NRK: variants seen among roughly 807,000 people sequenced by gnomAD.
The protein encoded by NRK is nik-related protein kinase.
NRK carries 67 observed loss-of-function variants against 125.2 expected under a neutral mutation model. That is an observed-to-expected ratio of 0.54 (90% CI 0.44 to 0.66). NRK has a LOEUF of 0.66. NRK is among the 30% of genes least tolerant of loss of function. The probability of loss-of-function intolerance (pLI) is 0.00; values close to 1 mark genes in which losing one functional copy is unlikely to be tolerated. For missense variants in NRK, 1,224 were observed against 1,192.9 expected (o/e 1.03, Z -0.38); for synonymous variants, 458 against 429.0 (o/e 1.07, Z -0.84).
intron 16 of NRK, among the ~76,000 whole-genome samples, chrX:105,919,246 G>T (rs2040407475): frequency 9.1e-6 from 1 of 110,489 alleles, no homozygotes. Context: ...TTTTCTCTTA[G>T]TGAAGCTTTT....
At position 105,877,504 on chromosome X, in the gene NRK, C is replaced by G. The variant is rs755702820; in HGVS notation, c.124-2695C>G. ...TGGAAGAAACTGGGGAAAGGATATA[C>G]AGGAACCCCCTGTGCTATCTTTGAA... On this transcript the variant is annotated intron_variant, in intron 2 of 28. Transcript: ENST00000243300. 5.4e-5 allele frequency among the ~76,000 whole-genome samples: 6 copies of G among 111,380 alleles called. No individual in the cohort carries two copies. The East Asian group carries it at 1.7e-3, about 32-fold the overall frequency.
chrX:105,922,248 G>A (rs1475312752), intron 17 of NRK, among the ~76,000 whole-genome samples, 187 bp downstream of exon 17: 1 of 111,910 alleles, frequency 8.9e-6, no homozygotes, highest in Non-Finnish European at 1.9e-5. Flanking sequence ...AAATTGAAAT[G>A]GGAAAACATT....
intron 9 of NRK, 24 bp downstream of exon 9, chrX:105,900,696 T>C: frequency 1.0e-6 from 1 of 961,308 alleles, no homozygotes; most frequent in African/African-American, 1.9e-5. Flanking sequence ...GTTTGATATT[T>C]GTTAAAGATT....
intron 2 of NRK, among the ~76,000 whole-genome samples, chrX:105,878,165 G>A (rs185961637): frequency 7.8e-4 from 86 of 110,681 alleles, no homozygotes; most frequent in African/African-American, 2.4e-3. Context: ...GCAAGTGTTC[G>A]TGTGAATAAT....
intron 1 of NRK, among the ~76,000 whole-genome samples, chrX:105,826,271 AAT>A (rs1462006771): frequency 1.2e-4 from 8 of 68,148 alleles, no homozygotes; most frequent in Non-Finnish European, 2.4e-5. Context: ...TTTCATATAT[AAT>A]ATATATGAAA....
chrX:105,849,930 G>C, intron 2 of NRK, among the ~76,000 whole-genome samples: 1 of 111,860 alleles, frequency 8.9e-6, no homozygotes, highest in African/African-American at 3.3e-5. Context: ...ACAATTCTGG[G>C]GTCTGGAGGA....
chrX:105,898,818 C>A, intron 8 of NRK, 104 bp downstream of exon 8: 1 of 609,026 alleles, frequency 1.6e-6, no homozygotes, highest in Non-Finnish European at 2.4e-6. Context: ...GGCAGCTCCA[C>A]ATTTTACATT....
At position 105,889,779 on chromosome X, in the gene NRK, G is replaced by A. The variant is rs1420021189; in HGVS notation, c.378+1360G>A. On this transcript the variant is annotated intron_variant, in intron 5 of 28. Transcript: ENST00000243300. ...CCTTTTAGCCACAGCTGGAGTGGCT[G>A]GGACACAGGGCAACAAGTCCCTAGG... is the stretch of plus-strand genomic sequence containing the variant. 9.8e-5 allele frequency among the ~76,000 whole-genome samples: 11 copies of A among 112,248 alleles called. No individual in the cohort carries two copies. In the Admixed American group the frequency reaches 1.0e-3, roughly 11 times the overall value.
At chrX:105,921,433 T>C (rs1394341803) in intron 16 of NRK, among the ~76,000 whole-genome samples, 1 of 107,031 alleles carries the variant, frequency 9.3e-6, no homozygotes, top group African/African-American at 3.4e-5. Flanking sequence ...TATACATATG[T>C]AACTAACCTG....
chrX:105,886,470 TA>T (rs1335812815), intron 4 of NRK, among the ~76,000 whole-genome samples: 1 of 103,661 alleles, frequency 9.6e-6, no homozygotes, highest in Non-Finnish European at 1.9e-5. Flanking sequence ...ATATTATATA[TA>T]ATATATTGAT....
intron 2 of NRK, among the ~76,000 whole-genome samples, chrX:105,873,938 T>C (rs1393546789): frequency 8.9e-6 from 1 of 112,417 alleles, no homozygotes; most frequent in Non-Finnish European, 1.9e-5. Context: ...TACTAGACTT[T>C]AAGGACTTTT....
chrX:105,946,497 T>C (rs1602702878), intron 26 of NRK, 33 bp downstream of exon 26: 1 of 1,057,648 alleles, frequency 9.5e-7, no homozygotes, highest in Non-Finnish European at 1.3e-6. Context: ...CTAGAAATTA[T>C]TGTATACCAC....
At chrX:105,950,999 GAATCCTTCTT>G (rs2040889891) in intron 27 of NRK, among the ~76,000 whole-genome samples, 1 of 109,126 alleles carries the variant, frequency 9.2e-6, no homozygotes, top group Admixed American at 9.9e-5. Flanking sequence ...TGCATCTGCA[GAATCCTTCTT>G]CTTTTTTTTT....
chrX:105,885,147 ATTTC>A (rs1184786092), intron 4 of NRK, among the ~76,000 whole-genome samples: 1 of 112,227 alleles, frequency 8.9e-6, no homozygotes. Context: ...CAATAAGAAT[ATTTC>A]TTAATAATTT....
chrX:105,841,573 C>T (rs1441339188), intron 2 of NRK, among the ~76,000 whole-genome samples: 5 of 110,837 alleles, frequency 4.5e-5, no homozygotes, highest in East Asian at 5.7e-4. Context: ...TGTTCAGGGT[C>T]CCCTGAGGGA....
At chrX:105,853,985 G>A (rs1293136871) in intron 2 of NRK, among the ~76,000 whole-genome samples, 1 of 111,915 alleles carries the variant, frequency 8.9e-6, no homozygotes, top group Admixed American at 9.5e-5. Flanking sequence ...TTTGGGGGCT[G>A]CCTTCACAAA....
At chrX:105,827,063 C>T (rs924775301) in intron 1 of NRK, among the ~76,000 whole-genome samples, 4 of 111,439 alleles carry the variant, frequency 3.6e-5, no homozygotes, top group Admixed American at 9.5e-5. Flanking sequence ...ATGATTCTCA[C>T]GTAGCGAGAG....
intron 2 of NRK, among the ~76,000 whole-genome samples, chrX:105,850,255 C>G (rs947261304): frequency 1.8e-5 from 2 of 112,186 alleles, no homozygotes; most frequent in African/African-American, 6.5e-5. Flanking sequence ...TAAGCTATAG[C>G]TGGAGCGGCT....
chrX:105,945,772 CTGTTTGGCCTTTTGTT>C, intron 24 of NRK, 84 bp from the exon 25 acceptor site: 3 of 684,363 alleles, frequency 4.4e-6, no homozygotes, highest in Non-Finnish European at 6.7e-6. Flanking sequence ...GCAATGAATC[CTGTTTGGCCTTTTGTT>C]TTGGACTAGA....
Sources: allele counts gnomAD v4.1 joint callset (sites outside exome capture counted in the v4.1 genomes callset), GRCh38; gene constraint gnomAD v4.1.1; transcripts MANE v1.5; gene names NCBI Gene and HGNC (gene_info 2026-07-23, HGNC 2026-07-21).